The following NUP43 variants were observed in gnomAD, a reference collection of about 807,000 sequenced individuals.
The protein encoded by NUP43 is nucleoporin Nup43.
Under a neutral mutation model 47.3 loss-of-function variants are expected in NUP43, and 32 were observed. The observed-to-expected ratio is 0.68, with a 90% CI of 0.51 to 0.91. The LOEUF is 0.91. Among genes scored for constraint, NUP43 ranks in the 40% least tolerant of loss-of-function variants. NUP43 has a pLI of 0.00. For synonymous variants in NUP43, 147 were observed against 158.4 expected (o/e 0.93, Z 0.54); for missense variants, 444 against 453.9 (o/e 0.98, Z 0.20).
At chr6:149,728,568 G>T in intron 7 of NUP43, 1 of 327,670 alleles carries the variant, frequency 3.1e-6, no homozygotes, top group Non-Finnish European at 4.4e-6. Context: ...ACGCTGTAAA[G>T]ATTAACACAT....
chr6:149,726,572 G>A lies in NUP43; in HGVS notation c.*397C>T, dbSNP rs972596899. 3 of 211,206 alleles carry A rather than the reference G, an allele frequency of 1.4e-5. No individual in the cohort carries two copies. The highest frequency in any genetic ancestry group is 1.1e-4 in the East Asian group (1 of 8,822). The allele number at this position is 211,206 out of a possible 1,614,324, so 13.1% of individuals were successfully genotyped here. On this transcript the variant is annotated 3_prime_UTR_variant, in exon 8 of 8. Transcript: ENST00000340413. Reference sequence around the variant, plus strand: ...CATTGGCAACTGCCACTAGGAAGGTGTATATGCCACATACTACTGATAAAA... The same window carrying A: ...CATTGGCAACTGCCACTAGGAAGGTATATATGCCACATACTACTGATAAAA...
At position 149,725,275 on chromosome 6, in the gene NUP43, A is replaced by G. The variant is rs1409346460; in HGVS notation, c.*1694T>C. ...GAGTTCGAGACCAGCCCTGGCCAAC[A>G]TGGTGAAACCCTGTCGTCTCTACTA... On this transcript the variant is annotated 3_prime_UTR_variant, in exon 8 of 8. Coordinates refer to ENST00000340413, the MANE Select transcript of NUP43 (RefSeq NM_198887.3). The G allele has an allele frequency of 6.6e-6, 1 of 152,214 alleles. No homozygotes were observed. Among genetic ancestry groups the G allele is most frequent in the African/African-American group, 2.4e-5 (1 of 41,452 alleles). 9.4% of individuals were successfully genotyped at this position (152,214 alleles called of 1,614,324 possible). A position where few individuals can be genotyped will look rare whatever the true frequency, so the allele number is the denominator to read the frequency against.
At position 149,746,503 on chromosome 6, in the gene NUP43, G is replaced by T. The variant is rs201168855; in HGVS notation, c.-8C>A. 2.8e-5 allele frequency: 45 copies of T among 1,614,200 alleles called. No homozygotes were observed. Among genetic ancestry groups the T allele is most frequent in the Non-Finnish European group, 1.4e-5 (16 of 1,180,044 alleles). On this transcript the variant is annotated 5_prime_UTR_variant, in exon 1 of 8. Coordinates refer to ENST00000340413, the MANE Select transcript of NUP43 (RefSeq NM_198887.3). ...CGCATAAATTTCCTCCATGCCGAAA[G>T]CGGCCGCAGCAGGTACTGCAAAAAG...
Position 149,727,063 on chromosome 6 carries a change from G to A in NUP43, c.1049C>T (p.Ser350Phe), listed in dbSNP as rs762389464. 1 of 1,614,140 alleles carries A rather than the reference G, an allele frequency of 6.2e-7. No individual in the cohort carries two copies. The highest frequency in any genetic ancestry group is 8.5e-7 in the Non-Finnish European group (1 of 1,179,986). ...AACATCCAAAGTGTTCACAGACAGA[G>A]ACCTACTGGGAAGTAAGCTTGTGAT... ...IEITSLLPSR[S>F]LSVNTLDVLG... Residue 350 changes from serine to phenylalanine, a missense_variant, in exon 8 of 8, where the codon TCT becomes TTT. By Grantham distance (155) the Ser-to-Phe change is radical. Transcript: ENST00000340413.
rs1785445746 is a variant in NUP43 at position 149,737,851 on chromosome 6, T to A, written c.638+792A>T. On this transcript the variant is annotated intron_variant, in intron 5 of 7. Coordinates refer to ENST00000340413, the MANE Select transcript of NUP43 (RefSeq NM_198887.3). ...GTCTATAGGCACGTGCCACCATGCC[T>A]GGCTAGTTTTTGTATTTTTAGTAGA... Among the ~76,000 whole-genome samples, 3 of 152,136 alleles carry A rather than the reference T, an allele frequency of 2.0e-5. No individual in the cohort carries two copies. In the South Asian group the frequency reaches 6.2e-4, roughly 32 times the overall value.
intron 6 of NUP43, among the ~76,000 whole-genome samples, chr6:149,734,570 G>A (rs1785222741): frequency 6.6e-6 from 1 of 151,890 alleles, no homozygotes; most frequent in Non-Finnish European, 1.5e-5. Context: ...TGCCAAGGCA[G>A]GCAGATAACC....
At chr6:149,728,299 A>C in intron 7 of NUP43, 2 of 984,844 alleles carry the variant, frequency 2.0e-6, no homozygotes, top group Non-Finnish European at 2.4e-6. Context: ...TTCCAGTCTA[A>C]CCAAGGTTCC....
upstream of NUP43, among the ~76,000 whole-genome samples, chr6:149,747,472 G>A (rs2115174757): frequency 6.8e-6 from 1 of 147,002 alleles, no homozygotes; most frequent in East Asian, 2.0e-4. Context: ...TTTTTTTGGA[G>A]AGACGGGATT....
At chr6:149,728,464 C>A (rs144736385) in intron 7 of NUP43, 43 of 984,876 alleles carry the variant, frequency 4.4e-5, no homozygotes, top group Non-Finnish European at 5.2e-5. Flanking sequence ...ACATGCTCTC[C>A]GCTCCAGAAT....
At position 149,738,743 on chromosome 6, in the gene NUP43, A is replaced by T; in HGVS notation, c.538T>A (p.Phe180Ile). The T allele has an allele frequency of 6.3e-7, 1 of 1,591,456 alleles. No homozygotes were observed. Reference protein sequence around the residue: ...ADSSTLHAVTFLRTPEILTVN... With the variant: ...ADSSTLHAVTILRTPEILTVN... Reference sequence around the variant, plus strand: ...GTAAGAATCTCAGGAGTTCGAAGAAAGGTTACAGCATGGAGTGTACTACTA... The same window carrying T: ...GTAAGAATCTCAGGAGTTCGAAGAATGGTTACAGCATGGAGTGTACTACTA... The change falls in exon 5 of 8, where the codon TTT (phenylalanine) becomes ATT (isoleucine). Residue 180 changes from phenylalanine to isoleucine, a missense_variant. Coordinates refer to ENST00000340413, the MANE Select transcript of NUP43 (RefSeq NM_198887.3).
intron 7 of NUP43, chr6:149,727,962 C>T (rs570095958): frequency 1.0e-6 from 1 of 985,274 alleles, no homozygotes; most frequent in Admixed American, 6.2e-5. Context: ...GTGCTAAGTG[C>T]TCTGTGCCAA....
At chr6:149,730,531 CA>C (rs1476287464) in intron 7 of NUP43, among the ~76,000 whole-genome samples, 4 of 152,190 alleles carry the variant, frequency 2.6e-5, no homozygotes, top group African/African-American at 9.6e-5. Context: ...AGTAACTTGA[CA>C]GTCAGATTTC....
At chr6:149,727,349 A>G in intron 7 of NUP43, 151 bp from the exon 8 acceptor site, 1 of 1,431,724 alleles carries the variant, frequency 7.0e-7, no homozygotes, top group Non-Finnish European at 9.1e-7. Flanking sequence ...ATACATCACC[A>G]CTTTGGACCA....
In NUP43 at chr6:149,745,920, T is replaced by A. The variant is rs1785965696; in HGVS notation, c.243+20A>T. The stretch of plus-strand genomic sequence containing the variant: ...ACTCAGGACTTTCAAAGTTAGCTTT[T>A]GGATGCTACACAGATTTACCTGTAA... On this transcript the variant is annotated intron_variant, in intron 2 of 7. Coordinates refer to ENST00000340413, the MANE Select transcript of NUP43 (RefSeq NM_198887.3). 1.4e-5 allele frequency: 23 copies of A among 1,590,622 alleles called. No homozygotes were observed. In the East Asian group the frequency reaches 5.2e-4, roughly 36 times the overall value.
intron 6 of NUP43, among the ~76,000 whole-genome samples, chr6:149,735,598 C>CAA (rs57726234): frequency 0.36 from 18,584 of 50,922 alleles, 2,589 homozygotes; most frequent in East Asian, 0.58. Flanking sequence ...ACCCTGTCTC[C>CAA]AAAAAAAAAA....
intron 2 of NUP43, among the ~76,000 whole-genome samples, chr6:149,744,477 C>T (rs948204248): frequency 3.4e-5 from 5 of 149,102 alleles, no homozygotes; most frequent in East Asian, 2.0e-4. Flanking sequence ...GAGCCGAGAT[C>T]GAGCCACTGC....
At chr6:149,734,642 A>G (rs1370920794) in intron 6 of NUP43, among the ~76,000 whole-genome samples, 3 of 152,038 alleles carry the variant, frequency 2.0e-5, no homozygotes, top group Non-Finnish European at 4.4e-5. Context: ...TACTAAAAAT[A>G]CAAAAATTAG....
At chr6:149,747,957 G>A (rs952347287), upstream of NUP43, among the ~76,000 whole-genome samples, 2 of 152,172 alleles carry the variant, frequency 1.3e-5, no homozygotes, top group African/African-American at 4.8e-5. Flanking sequence ...AAGATGAAAT[G>A]GAAAATATTA....
In NUP43 at chr6:149,742,409, C is replaced by T; in HGVS notation, c.483G>A (p.Lys161=). The change falls in exon 4 of 8, where the codon AAG becomes AAA. Residue 161 remains lysine (K), a synonymous_variant. Coordinates refer to ENST00000340413, the MANE Select transcript of NUP43 (RefSeq NM_198887.3). ...GRINLFRADH[K]EAVRTIDNAD... ...TCTTACCTATGGTTCTTACAGCTTC[C>T]TTGTGATCAGCTCTGAAGAGATTTA... 1 of 1,614,072 alleles carries T rather than the reference C, an allele frequency of 6.2e-7. No individual in the cohort carries two copies. The highest frequency in any genetic ancestry group is 8.5e-7 in the Non-Finnish European group (1 of 1,179,946).
Sources: allele counts gnomAD v4.1 joint callset (sites outside exome capture counted in the v4.1 genomes callset), GRCh38; gene constraint gnomAD v4.1.1; transcripts MANE v1.5; gene names NCBI Gene and HGNC (gene_info 2026-07-23, HGNC 2026-07-21).